Variants in C12orf42 observed in about 807,000 individuals in gnomAD.
C12orf42 encodes the protein uncharacterized protein C12orf42.
In C12orf42, 25 loss-of-function variants were observed where a neutral mutation model predicts 21.6. That is an observed-to-expected ratio of 1.16 (90% CI 0.84 to 1.62). The LOEUF (loss-of-function observed/expected upper bound fraction) is 1.62, where lower values mean the gene tolerates loss of function less well. C12orf42 is among the 40% of genes most tolerant of loss of function. The pLI, the probability that C12orf42 is intolerant of heterozygous loss-of-function variation, is 0.00. For missense variants in C12orf42, 483 were observed against 459.3 expected, an observed-to-expected ratio of 1.05 and a Z score of -0.47; for synonymous variants, 174 against 175.0, an observed-to-expected ratio of 0.99 and a Z score of 0.05.
rs180889954 is a variant in C12orf42, at chr12:103,471,527, G to C, written c.78+6822C>G. The stretch of plus-strand genomic sequence containing the variant: ...TTTGCTTACATTGATTTAGCATCTT[G>C]ATTGTATGAGGTAAGTCATATTAAC... On this transcript the variant is annotated intron_variant, in intron 2 of 5. Coordinates refer to ENST00000548883, the MANE Select transcript of C12orf42 (RefSeq NM_198521.5). Among the ~76,000 whole-genome samples, 160 of 152,336 alleles carry C rather than the reference G, an allele frequency of 1.1e-3. 1 individual carries two copies. The highest frequency in any genetic ancestry group is 3.3e-3 in the African/African-American group (138 of 41,572).
chr12:103,514,228 A>G, the C12orf42 span, among the ~76,000 whole-genome samples: 5 of 152,172 alleles, frequency 3.3e-5, no homozygotes, highest in Non-Finnish European at 5.9e-5. Flanking sequence ...TTATGATTTA[A>G]TTATCTCTAC....
the C12orf42 span, among the ~76,000 whole-genome samples, chr12:103,188,116 A>T: frequency 2.0e-5 from 3 of 152,170 alleles, no homozygotes; most frequent in Admixed American, 2.0e-4. Context: ...GCTTATGGCA[A>T]GCAGTGTTTC....
the C12orf42 span, among the ~76,000 whole-genome samples, chr12:103,085,384 T>TTCACCAATTTCCC: frequency 1.3e-5 from 2 of 152,128 alleles, no homozygotes; most frequent in Non-Finnish European, 2.9e-5. Flanking sequence ...TCTTTTTAAA[T>TTCACCAATTTCCC]TCACCAATTT....
At chr12:103,189,431 C>T in the C12orf42 span, among the ~76,000 whole-genome samples, 1 of 152,136 alleles carries the variant, frequency 6.6e-6, no homozygotes, top group Non-Finnish European at 1.5e-5. Context: ...TTTAACAACA[C>T]CCATGCATGT....
chr12:103,376,929 T>C (rs902552052), intron 3 of C12orf42, among the ~76,000 whole-genome samples: 8 of 151,794 alleles, frequency 5.3e-5, no homozygotes, highest in Non-Finnish European at 1.0e-4. Context: ...CTCTCCCCTC[T>C]CTCTCCTTCC....
the C12orf42 span, among the ~76,000 whole-genome samples, chr12:103,054,877 C>T: frequency 2.0e-5 from 3 of 151,832 alleles, no homozygotes; most frequent in African/African-American, 4.8e-5. Flanking sequence ...GGTTATACTG[C>T]TTGATTTTCA....
rs543295728 is a variant in C12orf42 at position 103,407,324 on chromosome 12, A to G, written c.79-5649T>C. The stretch of plus-strand genomic sequence containing the variant: ...GTTTAAATACACAGAAAAATACAGT[A>G]GACCTTTGACCAACACATGGGTTTG... On this transcript the variant is annotated intron_variant, in intron 2 of 5. Transcript: ENST00000548883. 3.3e-5 allele frequency among the ~76,000 whole-genome samples: 5 copies of G among 152,304 alleles called. No individual in the cohort carries two copies. The South Asian group carries it at 1.0e-3, about 32-fold the overall frequency.
At chr12:103,453,294 GTTATA>G (rs1952074089) in intron 2 of C12orf42, among the ~76,000 whole-genome samples, 1 of 151,342 alleles carries the variant, frequency 6.6e-6, no homozygotes, top group Non-Finnish European at 1.5e-5. Flanking sequence ...GGTTTTTAAC[GTTATA>G]TTATTCTAGA....
chr12:103,057,868 T>C, the C12orf42 span, among the ~76,000 whole-genome samples: 1 of 152,282 alleles, frequency 6.6e-6, no homozygotes. Context: ...ATCCATTGTT[T>C]CTTGACTTTT....
At chr12:103,430,245 G>C (rs887426102) in intron 2 of C12orf42, among the ~76,000 whole-genome samples, 8 of 152,004 alleles carry the variant, frequency 5.3e-5, no homozygotes, top group Non-Finnish European at 7.4e-5. Flanking sequence ...GAATCTACAA[G>C]GAATTTAAAC....
the C12orf42 span, among the ~76,000 whole-genome samples, chr12:103,520,113 G>C: frequency 5.6e-4 from 86 of 152,280 alleles, no homozygotes; most frequent in African/African-American, 1.9e-3. Flanking sequence ...TGATCCACAA[G>C]ACTCAGAATA....
At chr12:103,249,842 A>AG (rs2034202605) in intron 10 of C12orf42, among the ~76,000 whole-genome samples, 1 of 152,094 alleles carries the variant, frequency 6.6e-6, no homozygotes, top group Non-Finnish European at 1.5e-5. Context: ...CAAACCAGTC[A>AG]ATCCTTAGAT....
At chr12:103,299,343 G>C (rs984253622), downstream of C12orf42, among the ~76,000 whole-genome samples, 1 of 151,466 alleles carries the variant, frequency 6.6e-6, no homozygotes, top group East Asian at 1.9e-4. Flanking sequence ...ATAAATATTA[G>C]CTGTTATTAT....
At chr12:103,069,140 T>C in the C12orf42 span, among the ~76,000 whole-genome samples, 117 of 151,508 alleles carry the variant, frequency 7.7e-4, no homozygotes, top group Non-Finnish European at 1.4e-3. Context: ...TCTTCAGTTT[T>C]CAATCTGCTC....
At chr12:103,075,847 C>G in the C12orf42 span, among the ~76,000 whole-genome samples, 1 of 152,138 alleles carries the variant, frequency 6.6e-6, no homozygotes, top group Non-Finnish European at 1.5e-5. Flanking sequence ...AGACTCTATA[C>G]ATGACCATGG....
chr12:103,310,793 T>C (rs1593376503), intron 4 of C12orf42, among the ~76,000 whole-genome samples: 1 of 152,346 alleles, frequency 6.6e-6, no homozygotes, highest in East Asian at 1.9e-4. Context: ...AGAAAATGTC[T>C]ACCAGAATTT....
chr12:103,328,229 A>G (rs1298503621), intron 4 of C12orf42, among the ~76,000 whole-genome samples: 2 of 152,182 alleles, frequency 1.3e-5, no homozygotes, highest in Non-Finnish European at 2.9e-5. Context: ...GCCTTCAGAT[A>G]TCGACCCCTG....
chr12:103,309,221 A>G (rs560514458), intron 4 of C12orf42, among the ~76,000 whole-genome samples: 6 of 152,202 alleles, frequency 3.9e-5, no homozygotes, highest in African/African-American at 1.2e-4. Flanking sequence ...TTATATAGGA[A>G]TTTTCTTCTG....
chr12:103,215,170 G>A, the C12orf42 span, among the ~76,000 whole-genome samples: 2 of 151,994 alleles, frequency 1.3e-5, no homozygotes, highest in Non-Finnish European at 2.9e-5. Context: ...ACCCCCATTT[G>A]TGCCACAATA....
Sources: allele counts gnomAD v4.1 joint callset (sites outside exome capture counted in the v4.1 genomes callset), GRCh38; gene constraint gnomAD v4.1.1; transcripts MANE v1.5; gene names NCBI Gene and HGNC (gene_info 2026-07-23, HGNC 2026-07-21).